DLC1: variants seen among roughly 807,000 people sequenced by gnomAD.
DLC1 encodes DLC1 Rho GTPase activating protein.
In DLC1, 54 loss-of-function variants were observed where a neutral mutation model predicts 140.3. The ratio of observed to expected loss-of-function variants is 0.38; its 90% CI spans 0.31 to 0.48. The LOEUF is 0.48. Ranked by LOEUF, DLC1 falls within the 20% of genes least tolerant of loss-of-function variation. The pLI is 0.96. For synonymous variants in DLC1, 986 were observed against 728.1 expected (o/e 1.35, Z -5.70); for missense variants, 2,536 against 1,907.0 (o/e 1.33, Z -6.14).
At chr8:13,151,251 A>G (rs1376157192) in intron 5 of DLC1, among the ~76,000 whole-genome samples, 1 of 152,246 alleles carries the variant, frequency 6.6e-6, no homozygotes, top group East Asian at 1.9e-4. Context: ...TTAATGAATT[A>G]CCAGTAAAAA....
Position 13,099,766 on chromosome 8 carries a change from GCTA to G in DLC1, c.2568_2570del (p.Ser857del), listed in dbSNP as rs1818856730. 1 of 1,614,108 alleles carries G rather than the reference GCTA, an allele frequency of 6.2e-7. No homozygotes were observed. The highest frequency in any genetic ancestry group is 8.5e-7 in the Non-Finnish European group (1 of 1,180,036). The stretch of plus-strand genomic sequence containing the variant: ...GTCTCTTCAGTTCCTTGGGGCTGTC[GCTA>G]CTGTTTTCCCTCCTGAGGCTGATGT... On this transcript the variant is annotated inframe_deletion, in exon 9 of 18. Transcript: ENST00000276297.
At chr8:13,403,170 C>T (rs1275346397) in intron 2 of DLC1, among the ~76,000 whole-genome samples, 1 of 152,210 alleles carries the variant, frequency 6.6e-6, no homozygotes, top group African/African-American at 2.4e-5. Context: ...GTTATTACTT[C>T]AGTCTCCTCC....
intron 4 of DLC1, among the ~76,000 whole-genome samples, chr8:13,383,473 G>A (rs1263803831): frequency 6.6e-6 from 1 of 152,184 alleles, no homozygotes; most frequent in Non-Finnish European, 1.5e-5. Flanking sequence ...ACAAAATCTT[G>A]AACTTTGAAC....
At chr8:13,238,868 A>G (rs192331105) in intron 5 of DLC1, among the ~76,000 whole-genome samples, 9 of 152,192 alleles carry the variant, frequency 5.9e-5, no homozygotes, top group Non-Finnish European at 1.3e-4. Flanking sequence ...CCTGGGAACA[A>G]TCAGAAGCTG....
chr8:13,356,505 T>G (rs1180116567), intron 4 of DLC1, among the ~76,000 whole-genome samples: 1 of 152,258 alleles, frequency 6.6e-6, no homozygotes, highest in Non-Finnish European at 1.5e-5. Flanking sequence ...CTGAAGCCTA[T>G]GTAGACATTT....
In DLC1 at chr8:13,356,046, C is replaced by T. The variant is rs113617623; in HGVS notation, c.1314+37507G>A. Among the ~76,000 whole-genome samples the T allele has an allele frequency of 9.2e-3, 1,317 of 143,512 alleles. 16 individuals carry two copies. Among genetic ancestry groups the T allele is most frequent in the African/African-American group, 0.033 (1,233 of 37,602 alleles). The allele number at this position is 143,512 out of a possible 152,430, so 94.1% of individuals were successfully genotyped here. A position where few individuals can be genotyped will look rare whatever the true frequency, so the allele number is the denominator to read the frequency against. ...CGGAGGTTGCAGTGAGCCGGGATCG[C>T]GCCACTGCACTGCAGCCTGAGTGAC... On this transcript the variant is annotated intron_variant, in intron 4 of 17. Coordinates refer to ENST00000276297, the MANE Select transcript of DLC1 (RefSeq NM_182643.3).
At chr8:13,496,553 T>A (rs1801511040) in intron 2 of DLC1, among the ~76,000 whole-genome samples, 1 of 150,250 alleles carries the variant, frequency 6.7e-6, no homozygotes, top group African/African-American at 2.5e-5. Context: ...GAGGTTTATA[T>A]TACTATCTAC....
At chr8:13,328,200 T>C (rs929833285) in intron 4 of DLC1, among the ~76,000 whole-genome samples, 2 of 152,110 alleles carry the variant, frequency 1.3e-5, no homozygotes, top group African/African-American at 4.8e-5. Context: ...TTTCAAAAGA[T>C]CTCTGTGGCT....
intron 5 of DLC1, among the ~76,000 whole-genome samples, chr8:13,188,174 C>G (rs1193534061): frequency 6.8e-6 from 1 of 146,038 alleles, no homozygotes; most frequent in Non-Finnish European, 1.5e-5. Flanking sequence ...ACCTCTGTCT[C>G]CTGTGTTCAA....
intron 5 of DLC1, among the ~76,000 whole-genome samples, chr8:13,136,136 C>G (rs1184028200): frequency 6.6e-6 from 1 of 152,174 alleles, no homozygotes; most frequent in Non-Finnish European, 1.5e-5. Flanking sequence ...GAAAGCAGGA[C>G]TTTTAGAGCA....
intron 1 of DLC1, among the ~76,000 whole-genome samples, chr8:13,581,222 C>A (rs1805086824): frequency 6.6e-6 from 1 of 152,178 alleles, no homozygotes; most frequent in African/African-American, 2.4e-5. Context: ...GCTAACCACA[C>A]ATTTTCTATT....
intron 4 of DLC1, among the ~76,000 whole-genome samples, chr8:13,317,549 T>C (rs975283416): frequency 4.6e-5 from 7 of 152,238 alleles, no homozygotes; most frequent in Non-Finnish European, 8.8e-5. Context: ...GGAGAAAAGA[T>C]AGAGACGAAA....
chr8:13,321,071 A>T (rs1029935663), intron 4 of DLC1, among the ~76,000 whole-genome samples: 1 of 152,120 alleles, frequency 6.6e-6, no homozygotes, highest in African/African-American at 2.4e-5. Flanking sequence ...TGTATAAATT[A>T]CTCGCCCTCA....
At chr8:13,239,589 A>T (rs1436310508) in intron 5 of DLC1, among the ~76,000 whole-genome samples, 1 of 152,154 alleles carries the variant, frequency 6.6e-6, no homozygotes, top group African/African-American at 2.4e-5. Flanking sequence ...GGCCAATATT[A>T]TACCATGCTC....
At chr8:13,202,868 C>G (rs1371034870) in intron 5 of DLC1, among the ~76,000 whole-genome samples, 8 of 151,878 alleles carry the variant, frequency 5.3e-5, no homozygotes, top group Non-Finnish European at 1.0e-4. Flanking sequence ...GAGACAGGGT[C>G]TCACTATGTT....
At chr8:13,172,780 A>G (rs1237186651) in intron 5 of DLC1, among the ~76,000 whole-genome samples, 2 of 152,206 alleles carry the variant, frequency 1.3e-5, no homozygotes, top group Non-Finnish European at 2.9e-5. Context: ...AAAGCCCTCT[A>G]TCAAAAGGAA....
chr8:13,270,014 G>A (rs1246288198), intron 5 of DLC1, among the ~76,000 whole-genome samples: 1 of 148,850 alleles, frequency 6.7e-6, no homozygotes, highest in Admixed American at 6.7e-5. Flanking sequence ...CTAAGATCGT[G>A]CCACTGCACT....
At chr8:13,297,283 A>AAAAAAAAAAAAAAAAAAAAAAAAAAAAAC in intron 5 of DLC1, among the ~76,000 whole-genome samples, 1 of 92,108 alleles carries the variant, frequency 1.1e-5, no homozygotes, top group Non-Finnish European at 2.4e-5. Flanking sequence ...TTCATACATT[A>AAAAAAAAAAAAAAAAAAAAAAAAAAAAAC]AAAAAAAAAA....
At chr8:13,418,436 T>C (rs1838170061) in intron 2 of DLC1, among the ~76,000 whole-genome samples, 3 of 152,346 alleles carry the variant, frequency 2.0e-5, no homozygotes, top group Admixed American at 2.0e-4. Context: ...TACATAAGGC[T>C]AGCCAGTTTT....
Sources: gnomAD v4.1 joint callset for allele counts (sites outside exome capture counted in the v4.1 genomes callset) on GRCh38, gnomAD v4.1.1 for gene constraint, MANE v1.5 for transcripts, NCBI Gene and HGNC (gene_info 2026-07-23, HGNC 2026-07-21) for gene names.